Variants in NALCN observed in about 807,000 individuals in gnomAD.
NALCN encodes sodium leak channel, non-selective, also known as sodium leak channel NALCN.
A neutral mutation model predicts 225.3 loss-of-function variants in NALCN; 111 were observed. The observed-to-expected ratio is 0.49, with a 90% CI of 0.42 to 0.58. The LOEUF (loss-of-function observed/expected upper bound fraction) is 0.58. NALCN is among the 20% of genes least tolerant of loss of function. NALCN has a pLI of 0.00. For synonymous variants in NALCN, 764 were observed against 769.0 expected (o/e 0.99, Z 0.11); for missense variants, 1,378 against 2,202.4 (o/e 0.63, Z 7.49).
At chr13:101,086,026 C>G (rs2033913096) in intron 30 of NALCN, among the ~76,000 whole-genome samples, 1 of 152,108 alleles carries the variant, frequency 6.6e-6, no homozygotes, top group African/African-American at 2.4e-5. Flanking sequence ...AATACTGACA[C>G]TCTTTTAATG....
Position 101,054,703 on chromosome 13 carries a change from T to C in NALCN, c.*592A>G, listed in dbSNP as rs1457475291. 1 of 152,240 alleles carries C rather than the reference T, an allele frequency of 6.6e-6. No homozygotes were observed. Among genetic ancestry groups the C allele is most frequent in the East Asian group, 1.9e-4 (1 of 5,206 alleles). The allele number at this position is 152,240 out of a possible 1,614,324, so 9.4% of individuals were successfully genotyped here. On this transcript the variant is annotated 3_prime_UTR_variant, in exon 44 of 44. Transcript: ENST00000251127. ...ACTGAGGACAGAAATCAACTTGTTC[T>C]GGTCACCAAATGTCTTGTGTATATT...
At chr13:101,161,534 C>G (rs547837465) in intron 15 of NALCN, among the ~76,000 whole-genome samples, 1 of 152,184 alleles carries the variant, frequency 6.6e-6, no homozygotes, top group East Asian at 1.9e-4. Flanking sequence ...CACTGCCTCC[C>G]ATCTTATAAG....
chr13:101,126,325 A>G (rs1309564641), intron 17 of NALCN, among the ~76,000 whole-genome samples: 1 of 152,168 alleles, frequency 6.6e-6, no homozygotes, highest in East Asian at 1.9e-4. Flanking sequence ...AATTGGTTTC[A>G]TTATTCACTA....
Position 101,089,919 on chromosome 13 carries a change from A to T in NALCN, c.3317T>A (p.Leu1106Gln). ...FNFDNVGNAM[L>Q]ALFEVLSLKG... ...CAAGGAGAGAACTTCAAACAACGCCAGCATAGCGTTTCCCACATTGTCGAA... is the reference window on the plus strand; with the variant it reads ...CAAGGAGAGAACTTCAAACAACGCCTGCATAGCGTTTCCCACATTGTCGAA... Residue 1106 changes from leucine (L) to glutamine (Q), a missense_variant, in exon 29 of 44, where the codon CTG becomes CAG. Leu to Gln is a moderately radical substitution (Grantham distance 113). Coordinates refer to ENST00000251127, the MANE Select transcript of NALCN (RefSeq NM_052867.4). The surrounding 1 kb of genome is among the most constrained non-coding windows in gnomAD (Gnocchi z 4.7). 6.2e-7 allele frequency: 1 copy of T among 1,614,078 alleles called. No homozygotes were observed. Among genetic ancestry groups the T allele is most frequent in the Non-Finnish European group, 8.5e-7 (1 of 1,179,926 alleles).
At chr13:101,061,901 T>G in intron 41 of NALCN, 67 bp downstream of exon 41, 1 of 1,492,798 alleles carries the variant, frequency 6.7e-7, no homozygotes. Context: ...GCTCTTTTCT[T>G]TCATCCTCCT....
At chr13:101,103,364 G>A in intron 25 of NALCN, 25 bp from the exon 26 acceptor site, 1 of 1,588,168 alleles carries the variant, frequency 6.3e-7, no homozygotes, top group Non-Finnish European at 8.6e-7. Context: ...ATGATCTCTG[G>A]AATTTATACA....
chr13:101,390,375 A>C (rs2047111166), intron 3 of NALCN, among the ~76,000 whole-genome samples: 1 of 152,114 alleles, frequency 6.6e-6, no homozygotes, highest in Non-Finnish European at 1.5e-5. Context: ...GTGAGGGGAC[A>C]GCATGAGGAG....
At chr13:101,101,285 T>TC (rs1555381291) in intron 26 of NALCN, among the ~76,000 whole-genome samples, 2 of 140,830 alleles carry the variant, frequency 1.4e-5, no homozygotes, top group Non-Finnish European at 3.1e-5. Context: ...TTTTTTCTTT[T>TC]TTTTTTTTTT....
chr13:101,345,219 A>G (rs1251338873), intron 7 of NALCN, 47 bp downstream of exon 7: 2 of 1,578,668 alleles, frequency 1.3e-6, no homozygotes, highest in East Asian at 2.3e-5. Flanking sequence ...CACTTCATAA[A>G]CATCACAAAA....
chr13:101,117,129 C>T (rs1345166570), intron 18 of NALCN: 4 of 354,490 alleles, frequency 1.1e-5, no homozygotes, highest in Non-Finnish European at 2.3e-5. Flanking sequence ...TCTTCCCAAT[C>T]TTGTGTTATT....
intron 3 of NALCN, among the ~76,000 whole-genome samples, chr13:101,381,524 A>G (rs539098931): frequency 6.6e-5 from 10 of 152,228 alleles, no homozygotes; most frequent in Non-Finnish European, 1.3e-4. Context: ...ACTTTTTCTG[A>G]GCCTAAATTT....
At position 101,254,890 on chromosome 13, in the gene NALCN, C is replaced by CAAA. The variant is rs149258180; in HGVS notation, c.1266+3550_1266+3552dup. On this transcript the variant is annotated intron_variant, in intron 11 of 43. Coordinates refer to ENST00000251127, the MANE Select transcript of NALCN (RefSeq NM_052867.4). ...TGGGCGACAGAGCGAGACTCTGTCT[C>CAAA]AAAAAAAAAAAAAAAAAAAAAAAGA... 3.7e-3 allele frequency among the ~76,000 whole-genome samples: 140 copies of CAAA among 38,222 alleles called. 2 individuals carry two copies. Among genetic ancestry groups the CAAA allele is most frequent in the South Asian group, 8.3e-3 (5 of 602 alleles). The allele number at this position is 38,222 out of a possible 152,430, so 25.1% of individuals were successfully genotyped here.
intron 15 of NALCN, among the ~76,000 whole-genome samples, chr13:101,172,709 G>A (rs1001558461): frequency 9.9e-5 from 15 of 151,768 alleles, no homozygotes; most frequent in African/African-American, 2.9e-4. Flanking sequence ...ACAGGTGCCC[G>A]CCACCACGCG....
intron 28 of NALCN, among the ~76,000 whole-genome samples, chr13:101,094,961 G>A (rs2034426493): frequency 6.6e-6 from 1 of 152,196 alleles, no homozygotes; most frequent in Non-Finnish European, 1.5e-5. Flanking sequence ...GTTCACCAAT[G>A]ACACAGACTG....
At chr13:101,290,397 C>T (rs1268604916) in intron 9 of NALCN, among the ~76,000 whole-genome samples, 5 of 152,168 alleles carry the variant, frequency 3.3e-5, no homozygotes, top group Admixed American at 2.0e-4. Context: ...GAAAACATGT[C>T]CTTCTAGAGG....
At chr13:101,066,263 TTGCAC>T (rs2032379689) in intron 39 of NALCN, among the ~76,000 whole-genome samples, 3 of 150,104 alleles carry the variant, frequency 2.0e-5, no homozygotes, top group Admixed American at 2.0e-4. Context: ...GAAGCAGAGG[TTGCAC>T]CACTGCATTC....
intron 13 of NALCN, among the ~76,000 whole-genome samples, chr13:101,201,613 A>C (rs928495024): frequency 9.2e-5 from 14 of 152,260 alleles, no homozygotes; most frequent in Admixed American, 9.2e-4. Flanking sequence ...ATTTATATAC[A>C]AGTTTTTGTG....
At chr13:101,289,336 T>C (rs1433994693) in intron 9 of NALCN, among the ~76,000 whole-genome samples, 2 of 152,168 alleles carry the variant, frequency 1.3e-5, no homozygotes, top group Admixed American at 6.5e-5. Context: ...CTCTGTAATT[T>C]GTTCCTATGC....
At chr13:101,396,367 T>A (rs750667315) in intron 2 of NALCN, among the ~76,000 whole-genome samples, 1 of 152,260 alleles carries the variant, frequency 6.6e-6, no homozygotes. Flanking sequence ...AATACGTTTT[T>A]ATTGACTATC....
Sources: allele counts gnomAD v4.1 joint callset (sites outside exome capture counted in the v4.1 genomes callset), GRCh38; gene constraint gnomAD v4.1.1; non-coding constraint Gnocchi (gnomAD v3.1); transcripts MANE v1.5; gene names NCBI Gene and HGNC (gene_info 2026-07-23, HGNC 2026-07-21).